TUBGCP3: variants seen among roughly 807,000 people sequenced by gnomAD.
TUBGCP3 encodes gamma-tubulin complex component 3.
Under a neutral mutation model 123.1 loss-of-function variants are expected in TUBGCP3, and 50 were observed. The observed-to-expected ratio is 0.41, with a 90% CI of 0.32 to 0.51. The LOEUF (loss-of-function observed/expected upper bound fraction) is 0.51. Among genes scored for constraint, TUBGCP3 ranks in the 20% least tolerant of loss-of-function variants. The pLI is 0.36. For synonymous variants in TUBGCP3, 405 were observed against 413.9 expected (o/e 0.98, Z 0.26); for missense variants, 882 against 1,127.0 (o/e 0.78, Z 3.11).
At chr13:112,565,023 G>T in intron 3 of TUBGCP3, 88 bp downstream of exon 3, 1 of 1,180,754 alleles carries the variant, frequency 8.5e-7, no homozygotes, top group South Asian at 1.8e-5. Context: ...AGTTTAATAT[G>T]ATACCACAAA....
intron 2 of TUBGCP3, among the ~76,000 whole-genome samples, 195 bp downstream of exon 2, chr13:112,568,956 TC>T (rs1881195440): frequency 6.6e-6 from 1 of 152,230 alleles, no homozygotes. Context: ...TTATGCACCA[TC>T]CCAGAATTAA....
rs141978639 is a variant in TUBGCP3 at position 112,487,580 on chromosome 13, G to T, written c.2566-1429C>A. Among the ~76,000 whole-genome samples, 14 of 152,274 alleles carry T rather than the reference G, an allele frequency of 9.2e-5. No individual in the cohort carries two copies. In the East Asian group the frequency reaches 2.7e-3, roughly 29 times the overall value. ...AAGGATTTGTAAGTCTGATTTTAGT[G>T]AATCATATGGATCTAACCATTAGGT... On this transcript the variant is annotated intron_variant, in intron 21 of 21. Coordinates refer to ENST00000261965, the MANE Select transcript of TUBGCP3 (RefSeq NM_006322.6).
Position 112,527,419 on chromosome 13 carries a change from C to A in TUBGCP3, c.1401G>T (p.Arg467Ser), listed in dbSNP as rs1193149591. The A allele has an allele frequency of 6.2e-7, 1 of 1,602,252 alleles. No homozygotes were observed. The change falls in exon 12 of 22, where the codon AGG (arginine) becomes AGT (serine). Residue 467 changes from arginine (R) to serine (S), a missense_variant. Physicochemically the swap from Arg to Ser is moderately radical, Grantham distance 110. Coordinates refer to ENST00000261965, the MANE Select transcript of TUBGCP3 (RefSeq NM_006322.6). ...TCATAAACGAAGGAATCATCGATTT[C>A]CTCAAAGTATACTTGTCGTGCCACA... ...DRLWHDKYTL[R>S]KSMIPSFMTM...
chr13:112,584,318 TTTTTAA>T (rs576397792), intron 1 of TUBGCP3, among the ~76,000 whole-genome samples: 59 of 152,216 alleles, frequency 3.9e-4, no homozygotes, highest in Non-Finnish European at 6.8e-4. Context: ...GCCAAAACAA[TTTTTAA>T]ATTTTAACTT....
intron 16 of TUBGCP3, 51 bp from the exon 17 acceptor site, chr13:112,516,626 C>A: frequency 6.3e-7 from 1 of 1,584,160 alleles, no homozygotes; most frequent in South Asian, 1.1e-5. Flanking sequence ...TAAGAATCCT[C>A]TCAGTACAGG....
intron 21 of TUBGCP3, 82 bp downstream of exon 21, chr13:112,489,499 C>A (rs1197950823): frequency 2.1e-6 from 2 of 970,524 alleles, no homozygotes; most frequent in African/African-American, 1.6e-5. Context: ...GCTGACTCTG[C>A]TCTCATCACT....
At chr13:112,541,825 A>G (rs550273042) in intron 11 of TUBGCP3, among the ~76,000 whole-genome samples, 3 of 152,352 alleles carry the variant, frequency 2.0e-5, no homozygotes, top group Admixed American at 2.0e-4. Flanking sequence ...TTGATCAGCA[A>G]TCATTAGAAA....
At position 112,511,814 on chromosome 13, in the gene TUBGCP3, CTG is replaced by C. The variant is rs1464581717; in HGVS notation, c.2086+4624_2086+4625del. On this transcript the variant is annotated intron_variant, in intron 17 of 21. Coordinates refer to ENST00000261965, the MANE Select transcript of TUBGCP3 (RefSeq NM_006322.6). The surrounding 1 kb of genome is among the most constrained non-coding windows in gnomAD (Gnocchi z 4.1). ...TCCACTATACACTAGGGAGGTTTGA[CTG>C]TGGTATCTCCGAAGTGCCTTCTACT... Among the ~76,000 whole-genome samples, 9 of 152,274 alleles carry C rather than the reference CTG, an allele frequency of 5.9e-5. No individual in the cohort carries two copies. The highest frequency in any genetic ancestry group is 2.2e-4 in the African/African-American group (9 of 41,544).
rs112091826 is a variant in TUBGCP3 at position 112,555,000 on chromosome 13, T to C, written c.727A>G (p.Met243Val). The change falls in exon 7 of 22, where the codon ATG (methionine) becomes GTG (valine). Residue 243 changes from methionine to valine, a missense_variant. By Grantham distance (21) the Met-to-Val change is conservative. This residue lies in a region of TUBGCP3 where 713 missense variants were observed against 874.0 expected (regional missense o/e 0.82). Coordinates refer to ENST00000261965, the MANE Select transcript of TUBGCP3 (RefSeq NM_006322.6). Reference protein sequence around the residue: ...SRREGDTGGTMEITEAALVRD... With the variant: ...SRREGDTGGTVEITEAALVRD... ...ACCAGAGCTGCTTCTGTAATTTCCA[T>C]AGTACCTGCAAAATCATTTTTTAAA... 44 of 1,589,234 alleles carry C rather than the reference T, an allele frequency of 2.8e-5. 2 individuals carry two copies. The highest frequency in any genetic ancestry group is 2.0e-4 in the African/African-American group (15 of 73,796).
chr13:112,562,752 G>A lies in TUBGCP3; in HGVS notation c.252+2359C>T, dbSNP rs574759230. Among the ~76,000 whole-genome samples the A allele has an allele frequency of 1.9e-4, 29 of 152,324 alleles. 1 individual carries two copies. Among genetic ancestry groups the A allele is most frequent in the African/African-American group, 5.3e-4 (22 of 41,574 alleles). Reference sequence around the variant, plus strand: ...ACCTCAGACTCTGAACTACAGGACCGCAAGTTCAGATACAAAACTTTTAAA... The same window carrying A: ...ACCTCAGACTCTGAACTACAGGACCACAAGTTCAGATACAAAACTTTTAAA... On this transcript the variant is annotated intron_variant, in intron 3 of 21. Coordinates refer to ENST00000261965, the MANE Select transcript of TUBGCP3 (RefSeq NM_006322.6).
At chr13:112,580,123 C>T (rs943331429) in intron 1 of TUBGCP3, among the ~76,000 whole-genome samples, 4 of 152,114 alleles carry the variant, frequency 2.6e-5, no homozygotes, top group Admixed American at 6.6e-5. Context: ...ATTCTAGAAG[C>T]GGAGACATAC....
rs151071900 is a variant in TUBGCP3 at position 112,565,102 on chromosome 13, G to A, written c.252+9C>T. 8.3e-4 allele frequency: 1,333 copies of A among 1,612,642 alleles called. 15 individuals carry two copies. The South Asian group carries it at 0.011, about 13-fold the overall frequency. On this transcript the variant is annotated intron_variant, in intron 3 of 21. Coordinates refer to ENST00000261965, the MANE Select transcript of TUBGCP3 (RefSeq NM_006322.6). ...TGAGTGCAATGACCTCCAGAATTCTGCACTGTACCTGTGAATGAAGTTTTC... is the reference window on the plus strand; with the variant it reads ...TGAGTGCAATGACCTCCAGAATTCTACACTGTACCTGTGAATGAAGTTTTC...
rs2139029713 is a variant in TUBGCP3, at chr13:112,511,311, C to T, written c.2086+5129G>A. ...AGATAAAATCTGCGGTGCTGCTTTA[C>T]ATGGAAAAGTGGCATTTTGGTTCTT... On this transcript the variant is annotated intron_variant, in intron 17 of 21. Coordinates refer to ENST00000261965, the MANE Select transcript of TUBGCP3 (RefSeq NM_006322.6). This position sits in a 1 kb window ranked among gnomAD's most constrained non-coding sequence, Gnocchi z 4.1. Among the ~76,000 whole-genome samples the T allele has an allele frequency of 6.6e-6, 1 of 152,322 alleles. No homozygotes were observed. The highest frequency in any genetic ancestry group is 2.1e-4 in the South Asian group (1 of 4,824).
chr13:112,504,796 G>A, intron 17 of TUBGCP3, 82 bp from the exon 18 acceptor site: 1 of 1,146,890 alleles, frequency 8.7e-7, no homozygotes, highest in African/African-American at 1.5e-5. Flanking sequence ...CCACCTGCAA[G>A]CTATCTTAAA....
chr13:112,579,029 TA>T, intron 1 of TUBGCP3, among the ~76,000 whole-genome samples: 1 of 152,242 alleles, frequency 6.6e-6, no homozygotes, highest in South Asian at 2.1e-4. Context: ...TCATCAAGAT[TA>T]AAAACTTTTG....
At chr13:112,489,771 G>T in intron 20 of TUBGCP3, 74 bp from the exon 21 acceptor site, 2 of 1,238,484 alleles carry the variant, frequency 1.6e-6, no homozygotes, top group Middle Eastern at 1.9e-4. Flanking sequence ...CTGAAAACAG[G>T]TATGTGAGGA....
intron 8 of TUBGCP3, among the ~76,000 whole-genome samples, chr13:112,551,097 G>A (rs565355364): frequency 6.0e-5 from 9 of 151,024 alleles, no homozygotes; most frequent in East Asian, 3.9e-4. Flanking sequence ...AGACGACTCC[G>A]TCTCAAAAAA....
the TUBGCP3 span, among the ~76,000 whole-genome samples, chr13:112,598,236 G>GA: frequency 1.3e-5 from 2 of 151,650 alleles, no homozygotes; most frequent in Middle Eastern, 3.4e-3. Context: ...AGAAACAAAG[G>GA]CTTTTTTAGA....
chr13:112,578,112 C>T (rs1399266955), intron 1 of TUBGCP3, among the ~76,000 whole-genome samples: 1 of 152,104 alleles, frequency 6.6e-6, no homozygotes, highest in Non-Finnish European at 1.5e-5. Context: ...TGCTAAAGGG[C>T]GGAAGGCTAC....
Sources: allele counts gnomAD v4.1 joint callset (sites outside exome capture counted in the v4.1 genomes callset), GRCh38; gene constraint gnomAD v4.1.1; regional missense constraint gnomAD v4.1.1; non-coding constraint Gnocchi (gnomAD v3.1); transcripts MANE v1.5; gene names NCBI Gene and HGNC (gene_info 2026-07-23, HGNC 2026-07-21).